The following CCDC15 variants were observed in gnomAD, a reference collection of about 807,000 sequenced individuals.
CCDC15 encodes the protein coiled-coil domain-containing protein 15.
Under a neutral mutation model 114.5 loss-of-function variants are expected in CCDC15, and 105 were observed. The ratio of observed to expected loss-of-function variants is 0.92; its 90% CI spans 0.78 to 1.08. CCDC15 has a LOEUF of 1.08. Ranked by LOEUF, CCDC15 falls within the 50% of genes least tolerant of loss-of-function variation. The probability of loss-of-function intolerance (pLI) is 0.00; values close to 1 mark genes in which losing one functional copy is unlikely to be tolerated. For missense variants in CCDC15, 1,105 were observed against 1,093.6 expected, an observed-to-expected ratio of 1.01 and a Z score of -0.15; for synonymous variants, 334 against 377.8, an observed-to-expected ratio of 0.88 and a Z score of 1.34.
At chr11:124,998,555 T>G (rs1948414623) in intron 11 of CCDC15, among the ~76,000 whole-genome samples, 2 of 152,180 alleles carry the variant, frequency 1.3e-5, no homozygotes, top group South Asian at 4.1e-4. Context: ...ACAGTCTACT[T>G]TGAGTTAATA....
intron 14 of CCDC15, 126 bp from the exon 15 acceptor site, chr11:125,038,795 A>G: frequency 7.8e-7 from 1 of 1,287,706 alleles, no homozygotes; most frequent in Non-Finnish European, 1.1e-6. Context: ...TCCCAGTACA[A>G]AGAGGAAATG....
chr11:124,973,973 T>C (rs1005657642), intron 4 of CCDC15, among the ~76,000 whole-genome samples: 2 of 152,146 alleles, frequency 1.3e-5, no homozygotes, highest in Non-Finnish European at 2.9e-5. Flanking sequence ...TTTTCAATTT[T>C]AATTTTAATT....
chr11:124,986,094 C>T (rs1337699328), intron 6 of CCDC15, among the ~76,000 whole-genome samples: 1 of 152,134 alleles, frequency 6.6e-6, no homozygotes, highest in Non-Finnish European at 1.5e-5. Flanking sequence ...GTTGTCTCAG[C>T]ATCACCTGTT....
rs1415334453 is a variant in CCDC15 at position 124,992,667 on chromosome 11, C to A, written c.2119C>A (p.Gln707Lys). 10 of 1,583,824 alleles carry A rather than the reference C, an allele frequency of 6.3e-6. No individual in the cohort carries two copies. The East Asian group carries it at 1.8e-4, about 29-fold the overall frequency. Residue 707 changes from glutamine to lysine, a missense_variant, in exon 10 of 16, where the codon CAA becomes AAA. Physicochemically the swap from Gln to Lys is moderately conservative, Grantham distance 53. Transcript: ENST00000344762. ...HQYVVPKIQDQDSPREQNKHI... is the reference protein window; with the variant it reads ...HQYVVPKIQDKDSPREQNKHI... Reference sequence around the variant, plus strand: ...ATATGTTGTACCTAAAATCCAGGACCAAGACTCCCCTAGAGAACAGGTAGA... The same window carrying A: ...ATATGTTGTACCTAAAATCCAGGACAAAGACTCCCCTAGAGAACAGGTAGA...
chr11:125,024,011 A>G (rs1196386346), intron 13 of CCDC15, among the ~76,000 whole-genome samples: 2 of 152,006 alleles, frequency 1.3e-5, no homozygotes, highest in Non-Finnish European at 2.9e-5. Context: ...TCTTTATGGC[A>G]TAATAAAAAT....
chr11:125,030,318 A>G (rs943100245), intron 13 of CCDC15, among the ~76,000 whole-genome samples: 2 of 152,192 alleles, frequency 1.3e-5, no homozygotes, highest in African/African-American at 4.8e-5. Context: ...TGTGACTTCA[A>G]AAGGATATTC....
intron 6 of CCDC15, among the ~76,000 whole-genome samples, chr11:124,984,107 C>G (rs1948118124): frequency 6.6e-6 from 1 of 152,060 alleles, no homozygotes; most frequent in South Asian, 2.1e-4. Context: ...ACATTGGCAG[C>G]AGTGGCATGG....
At chr11:125,020,624 TAC>T in intron 13 of CCDC15, among the ~76,000 whole-genome samples, 1 of 152,088 alleles carries the variant, frequency 6.6e-6, no homozygotes, top group South Asian at 2.1e-4. Flanking sequence ...AGTTTCAGAA[TAC>T]CTTTTGGCAT....
chr11:125,038,343 G>A, intron 13 of CCDC15, 88 bp from the exon 14 acceptor site: 2 of 881,262 alleles, frequency 2.3e-6, no homozygotes, highest in Middle Eastern at 3.7e-4. Context: ...TTAGTTTCTG[G>A]GAATTTCTGG....
intron 13 of CCDC15, among the ~76,000 whole-genome samples, chr11:125,028,358 G>A (rs543556923): frequency 3.9e-5 from 6 of 152,246 alleles, no homozygotes; most frequent in East Asian, 3.9e-4. Flanking sequence ...TGGCAGTATC[G>A]TCATTTTAAC....
chr11:125,013,901 G>A (rs1948612464), intron 13 of CCDC15, among the ~76,000 whole-genome samples: 1 of 152,204 alleles, frequency 6.6e-6, no homozygotes. Context: ...ACAGAAACAA[G>A]CAGAGCTTTT....
At chr11:125,040,408 C>T (rs1948807962) in intron 15 of CCDC15, among the ~76,000 whole-genome samples, 182 bp from the exon 16 acceptor site, 1 of 152,128 alleles carries the variant, frequency 6.6e-6, no homozygotes, top group Non-Finnish European at 1.5e-5. Flanking sequence ...TGTGTCCATA[C>T]TCTTTATTAT....
rs1359070389 is a variant in CCDC15 at position 125,040,880 on chromosome 11, GA to G, written c.*170del. 1 of 650,478 alleles carries G rather than the reference GA, an allele frequency of 1.5e-6. No homozygotes were observed. The highest frequency in any genetic ancestry group is 2.6e-6 in the Non-Finnish European group (1 of 391,678). 40.3% of individuals were successfully genotyped at this position (650,478 alleles called of 1,614,324 possible). A position where few individuals can be genotyped will look rare whatever the true frequency, so the allele number is the denominator to read the frequency against. Reference sequence around the variant, plus strand: ...GTTTTAATCTCTGTCTGGGAACCAAGATTGAAAGCTGACTTACTTCTCTCTT... The same window carrying G: ...GTTTTAATCTCTGTCTGGGAACCAAGTTGAAAGCTGACTTACTTCTCTCTT... On this transcript the variant is annotated 3_prime_UTR_variant, in exon 16 of 16. Coordinates refer to ENST00000344762, the MANE Select transcript of CCDC15 (RefSeq NM_025004.3).
intron 6 of CCDC15, among the ~76,000 whole-genome samples, chr11:124,983,358 T>C (rs1292738205): frequency 3.3e-5 from 5 of 152,222 alleles, no homozygotes; most frequent in Non-Finnish European, 7.3e-5. Context: ...TAAGAAGACA[T>C]TCTGGCTTTT....
intron 1 of CCDC15, 32 bp from the exon 2 acceptor site, chr11:124,954,692 A>G: frequency 6.2e-7 from 1 of 1,601,700 alleles, no homozygotes. Context: ...CAGTCATTTG[A>G]AGATTTTAAG....
intron 11 of CCDC15, among the ~76,000 whole-genome samples, chr11:124,997,818 T>G (rs1428814667): frequency 6.6e-6 from 1 of 152,102 alleles, no homozygotes; most frequent in Non-Finnish European, 1.5e-5. Context: ...GGCATGCACC[T>G]GTAATCGCAG....
intron 6 of CCDC15, among the ~76,000 whole-genome samples, chr11:124,985,735 G>A (rs1388485448): frequency 6.6e-6 from 1 of 150,396 alleles, no homozygotes; most frequent in Non-Finnish European, 1.5e-5. Flanking sequence ...TACATAAAAT[G>A]TATATATATA....
Position 124,954,909 on chromosome 11 carries a change from TGTGA to T in CCDC15, c.177+4_177+7del. The T allele has an allele frequency of 6.2e-7, 1 of 1,613,842 alleles. No individual in the cohort carries two copies. Among genetic ancestry groups the T allele is most frequent in the East Asian group, 2.2e-5 (1 of 44,870 alleles). ...CAGGTAGTTCGGAAATCCCAGCATA[TGTGA>T]GTGTCAGTTTGATCCAAATATGGTG... On this transcript the variant is annotated splice_donor_variant and splice_donor_region_variant and intron_variant, in intron 2 of 15. Transcript: ENST00000344762. LOFTEE classifies it high-confidence loss of function.
intron 13 of CCDC15, among the ~76,000 whole-genome samples, chr11:125,014,570 T>C (rs1013442609): frequency 3.3e-5 from 5 of 152,192 alleles, no homozygotes; most frequent in East Asian, 1.9e-4. Flanking sequence ...ATCTATAAAA[T>C]AGAATCCAAT....
Sources: gnomAD v4.1 joint callset for allele counts (sites outside exome capture counted in the v4.1 genomes callset) on GRCh38, gnomAD v4.1.1 for gene constraint, MANE v1.5 for transcripts, NCBI Gene and HGNC (gene_info 2026-07-23, HGNC 2026-07-21) for gene names.